The following ZBTB4 variants were observed in gnomAD, a reference collection of about 807,000 sequenced individuals.
ZBTB4 encodes the protein zinc finger and BTB domain-containing protein 4.
ZBTB4 carries 14 observed loss-of-function variants against 59.8 expected under a neutral mutation model. The observed-to-expected ratio is 0.23, with a 90% CI of 0.15 to 0.37. The LOEUF (loss-of-function observed/expected upper bound fraction) is 0.37, where lower values mean the gene tolerates loss of function less well. Ranked by LOEUF, ZBTB4 falls within the 10% of genes least tolerant of loss-of-function variation. ZBTB4 has a pLI of 1.00. For missense variants in ZBTB4, 1,198 were observed against 1,380.8 expected (o/e 0.87, Z 2.10); for synonymous variants, 587 against 575.2 (o/e 1.02, Z -0.29).
chr17:7,469,746 G>C (rs2070174444), intron 1 of ZBTB4, among the ~76,000 whole-genome samples: 1 of 148,952 alleles, frequency 6.7e-6, no homozygotes, highest in Non-Finnish European at 1.5e-5. Context: ...AATCCAGGCT[G>C]GGTGACAGAG....
chr17:7,479,704 C>A (rs2150868305), upstream of ZBTB4: 1 of 152,606 alleles, frequency 6.6e-6, no homozygotes, highest in Admixed American at 6.6e-5. Flanking sequence ...GCCGCCGCCG[C>A]CGCCGAGAGG....
chr17:7,482,563 T>C (rs753538686), upstream of ZBTB4: 3 of 1,612,380 alleles, frequency 1.9e-6, no homozygotes, highest in East Asian at 2.2e-5. Flanking sequence ...CCCTGGGCTA[T>C]GGGCAGGCTT....
chr17:7,464,894 T>G (rs930668280), intron 3 of ZBTB4, among the ~76,000 whole-genome samples: 2 of 146,802 alleles, frequency 1.4e-5, no homozygotes, highest in Non-Finnish European at 3.0e-5. Context: ...CGGTGGCTCA[T>G]GCCTGTAATC....
chr17:7,482,188 C>T (rs760576524), upstream of ZBTB4: 17 of 1,613,944 alleles, frequency 1.1e-5, no homozygotes, highest in Non-Finnish European at 8.5e-6. Flanking sequence ...CCAACCTGCC[C>T]TCGCTGGAGC....
rs1335515381 is a variant in ZBTB4 at position 7,463,644 on chromosome 17, C to T, written c.1338G>A (p.Pro446=). 24 of 1,611,876 alleles carry T rather than the reference C, an allele frequency of 1.5e-5. No individual in the cohort carries two copies. Among genetic ancestry groups the T allele is most frequent in the Admixed American group, 8.4e-5 (5 of 59,662 alleles). The change falls in exon 4 of 4, where the codon CCG becomes CCA. Residue 446 remains proline, a synonymous_variant. Coordinates refer to ENST00000380599, the MANE Select transcript of ZBTB4 (RefSeq NM_001128833.2). Reference sequence around the variant, plus strand: ...GGCTGGCTGGCATTGCCACAGGGGCCGGTGTGTTGAGGGTTGGAGAAAGGG... The same window carrying T: ...GGCTGGCTGGCATTGCCACAGGGGCTGGTGTGTTGAGGGTTGGAGAAAGGG... ...EAPLSPTLNT[P]APVAMPASPP...
At chr17:7,464,558 C>A (rs1482606900) in intron 3 of ZBTB4, among the ~76,000 whole-genome samples, 1 of 151,516 alleles carries the variant, frequency 6.6e-6, no homozygotes, top group African/African-American at 2.4e-5. Flanking sequence ...CTTGTAGAGG[C>A]TGAGCGCAGT....
chr17:7,468,188 T>A (rs1365911997), intron 1 of ZBTB4, among the ~76,000 whole-genome samples: 2 of 152,110 alleles, frequency 1.3e-5, no homozygotes, highest in African/African-American at 4.8e-5. Context: ...CTGACCAACA[T>A]GGTGAAACCC....
At chr17:7,477,983 C>T (rs371828420) in intron 1 of ZBTB4, among the ~76,000 whole-genome samples, 6 of 152,106 alleles carry the variant, frequency 3.9e-5, no homozygotes, top group Non-Finnish European at 8.8e-5. Context: ...GGCCTCCATG[C>T]GCTACCCTGC....
upstream of ZBTB4, chr17:7,482,291 C>T (rs1300308759): frequency 5.6e-6 from 9 of 1,613,910 alleles, no homozygotes; most frequent in African/African-American, 4.0e-5. Context: ...CATCCGAGGC[C>T]GGGCCTACTT....
chr17:7,483,832 G>T (rs1042963568), upstream of ZBTB4, among the ~76,000 whole-genome samples: 2 of 152,196 alleles, frequency 1.3e-5, no homozygotes, highest in Admixed American at 1.3e-4. Context: ...CGGCATTACA[G>T]GCCAGGAGAT....
At chr17:7,471,540 G>C (rs1166044283) in intron 1 of ZBTB4, among the ~76,000 whole-genome samples, 1 of 152,204 alleles carries the variant, frequency 6.6e-6, no homozygotes, top group Non-Finnish European at 1.5e-5. Flanking sequence ...TAGAAGGTAG[G>C]TAGTGATGGG....
chr17:7,478,242 C>T (rs1200958851), intron 1 of ZBTB4, among the ~76,000 whole-genome samples: 1 of 152,156 alleles, frequency 6.6e-6, no homozygotes, highest in African/African-American at 2.4e-5. Context: ...GTTGCAAACA[C>T]ACAACCTTCC....
chr17:7,464,208 A>G (rs893933568), intron 3 of ZBTB4, among the ~76,000 whole-genome samples: 1 of 152,212 alleles, frequency 6.6e-6, no homozygotes, highest in Non-Finnish European at 1.5e-5. Flanking sequence ...CCTGCTCGGA[A>G]TAGTGTAATG....
At chr17:7,465,589 C>G in intron 3 of ZBTB4, 122 bp downstream of exon 3, 1 of 1,429,778 alleles carries the variant, frequency 7.0e-7, no homozygotes, top group Non-Finnish European at 9.2e-7. Context: ...GCTGGGATTA[C>G]TGCAGCTAGC....
At chr17:7,467,639 A>T (rs766384411) in intron 1 of ZBTB4, among the ~76,000 whole-genome samples, 1 of 152,254 alleles carries the variant, frequency 6.6e-6, no homozygotes, top group Non-Finnish European at 1.5e-5. Flanking sequence ...GCACAGGTCC[A>T]GTCCATAGGT....
At chr17:7,481,574 C>T, upstream of ZBTB4, 1 of 1,310,032 alleles carries the variant, frequency 7.6e-7, no homozygotes, top group South Asian at 1.6e-5. Flanking sequence ...CTGGTTGCTC[C>T]ATTTCCCCTC....
At chr17:7,481,851 C>T, upstream of ZBTB4, 1 of 1,263,478 alleles carries the variant, frequency 7.9e-7, no homozygotes, top group South Asian at 1.6e-5. Flanking sequence ...CCCTTTCTAG[C>T]TCCGAAGAGT....
chr17:7,476,151 C>T (rs774344511), intron 1 of ZBTB4, among the ~76,000 whole-genome samples: 1 of 152,178 alleles, frequency 6.6e-6, no homozygotes, highest in Non-Finnish European at 1.5e-5. Context: ...CCAGGCTTAC[C>T]TTCCTCCATC....
intron 1 of ZBTB4, among the ~76,000 whole-genome samples, chr17:7,474,374 C>T (rs1179743636): frequency 2.6e-5 from 4 of 151,902 alleles, no homozygotes; most frequent in Admixed American, 6.6e-5. Flanking sequence ...TATGCCACCA[C>T]GCCCAGCGAA....
Sources: allele counts gnomAD v4.1 joint callset (sites outside exome capture counted in the v4.1 genomes callset), GRCh38; gene constraint gnomAD v4.1.1; transcripts MANE v1.5; gene names NCBI Gene and HGNC (gene_info 2026-07-23, HGNC 2026-07-21).